Variants in FTO observed in about 807,000 individuals in gnomAD.
FTO encodes the protein FTO alpha-ketoglutarate dependent dioxygenase, also known as alpha-ketoglutarate-dependent dioxygenase FTO.
A neutral mutation model predicts 63.9 loss-of-function variants in FTO; 47 were observed. The observed-to-expected ratio is 0.74, with a 90% CI of 0.58 to 0.94. FTO has a LOEUF of 0.94. FTO is among the 40% of genes least tolerant of loss of function. The pLI, the probability that FTO is intolerant of heterozygous loss-of-function variation, is 0.00. For synonymous variants in FTO, 207 were observed against 224.4 expected (o/e 0.92, Z 0.69); for missense variants, 562 against 618.1 (o/e 0.91, Z 0.96).
intron 1 of FTO, among the ~76,000 whole-genome samples, chr16:53,778,554 G>A (rs891982512): frequency 6.6e-6 from 1 of 152,182 alleles, no homozygotes; most frequent in African/African-American, 2.4e-5. Context: ...TATTGATCTT[G>A]TGGAACCTTT....
intron 8 of FTO, among the ~76,000 whole-genome samples, chr16:54,087,460 A>G (rs2086276678): frequency 6.6e-6 from 1 of 152,196 alleles, no homozygotes; most frequent in African/African-American, 2.4e-5. Flanking sequence ...CAATCCTCAG[A>G]CAGCCCTACC....
intron 1 of FTO, among the ~76,000 whole-genome samples, chr16:53,790,700 A>T (rs186505278): frequency 9.2e-5 from 14 of 152,190 alleles, no homozygotes; most frequent in Admixed American, 6.5e-4. Flanking sequence ...TCATGTTGTA[A>T]TATCCTGAAG....
intron 3 of FTO, among the ~76,000 whole-genome samples, chr16:53,834,071 C>T (rs2079216736): frequency 6.6e-6 from 1 of 151,766 alleles, no homozygotes; most frequent in African/African-American, 2.4e-5. Flanking sequence ...GTCACCCAGG[C>T]TGGAGTGCAG....
chr16:54,090,544 T>C (rs1289725261), intron 8 of FTO, among the ~76,000 whole-genome samples: 1 of 152,206 alleles, frequency 6.6e-6, no homozygotes, highest in Non-Finnish European at 1.5e-5. Flanking sequence ...ATATTTTTGT[T>C]ATATATATTT....
chr16:53,828,975 C>T (rs2079077790), intron 3 of FTO, among the ~76,000 whole-genome samples: 1 of 152,206 alleles, frequency 6.6e-6, no homozygotes, highest in Non-Finnish European at 1.5e-5. Flanking sequence ...ACTGCAACCT[C>T]CGCCTCCTGG....
intron 1 of FTO, among the ~76,000 whole-genome samples, chr16:53,747,435 AT>A (rs1176743873): frequency 6.6e-6 from 1 of 152,068 alleles, no homozygotes; most frequent in Non-Finnish European, 1.5e-5. Context: ...TTCTTTAATG[AT>A]TAGTAATGTT....
chr16:53,849,969 C>A (rs117999243), intron 4 of FTO, among the ~76,000 whole-genome samples: 78 of 152,306 alleles, frequency 5.1e-4, no homozygotes, highest in Non-Finnish European at 4.3e-4. Context: ...CCCTTCCTCA[C>A]CAACCTCTGA....
intron 8 of FTO, among the ~76,000 whole-genome samples, chr16:53,976,950 T>C (rs755255945): frequency 3.3e-5 from 5 of 152,172 alleles, no homozygotes; most frequent in Non-Finnish European, 7.4e-5. Context: ...CAAAATAAAA[T>C]GATGTTGCCT....
intron 8 of FTO, among the ~76,000 whole-genome samples, chr16:53,986,369 A>T (rs1356974484): frequency 6.6e-6 from 1 of 152,152 alleles, no homozygotes; most frequent in Non-Finnish European, 1.5e-5. Flanking sequence ...ACCATCTCGG[A>T]AACAGGGTGT....
intron 8 of FTO, among the ~76,000 whole-genome samples, chr16:54,091,942 A>C (rs545959891): frequency 1.3e-5 from 2 of 152,350 alleles, no homozygotes; most frequent in East Asian, 3.9e-4. Context: ...CACATAGTAG[A>C]TGCTCAGAAA....
At chr16:53,883,640 A>AAAAAAAAAAAC (rs1567396651) in intron 6 of FTO, among the ~76,000 whole-genome samples, 5 of 150,196 alleles carry the variant, frequency 3.3e-5, no homozygotes, top group African/African-American at 1.2e-4. Flanking sequence ...AAAAAACAAA[A>AAAAAAAAAAAC]AAAAAAAAAC....
chr16:53,854,920 G>T (rs1028771439), intron 4 of FTO, among the ~76,000 whole-genome samples: 1 of 152,036 alleles, frequency 6.6e-6, no homozygotes, highest in Non-Finnish European at 1.5e-5. Context: ...GTGAGTATGG[G>T]ATGTATTTCT....
At chr16:53,711,942 T>C (rs2075785323) in intron 1 of FTO, among the ~76,000 whole-genome samples, 1 of 152,192 alleles carries the variant, frequency 6.6e-6, no homozygotes, top group Admixed American at 6.5e-5. Flanking sequence ...AAATAATAAC[T>C]TGGCCAAATG....
intron 7 of FTO, among the ~76,000 whole-genome samples, chr16:53,917,788 C>T (rs1422621785): frequency 6.6e-6 from 1 of 150,656 alleles, no homozygotes; most frequent in Non-Finnish European, 1.5e-5. Context: ...AAATATGTGC[C>T]GAGTAGCAGG....
intron 6 of FTO, among the ~76,000 whole-genome samples, chr16:53,884,530 G>A (rs780133068): frequency 2.0e-4 from 30 of 152,140 alleles, no homozygotes; most frequent in Non-Finnish European, 3.8e-4. Context: ...ATCCCAAGGG[G>A]CGCAGTCACA....
At chr16:53,726,760 GTTGCCCTTCA>G (rs1330387773) in intron 1 of FTO, among the ~76,000 whole-genome samples, 3 of 152,222 alleles carry the variant, frequency 2.0e-5, no homozygotes, top group Non-Finnish European at 4.4e-5. Flanking sequence ...GTGCATGACA[GTTGCCCTTCA>G]TTGCTGGCTT....
intron 8 of FTO, among the ~76,000 whole-genome samples, chr16:54,058,310 A>G (rs182072235): frequency 1.5e-3 from 222 of 152,146 alleles, no homozygotes; most frequent in Admixed American, 3.6e-3. Context: ...TTTAATAGAG[A>G]TGGGGTTTTG....
intron 7 of FTO, among the ~76,000 whole-genome samples, chr16:53,920,888 C>G (rs185272463): frequency 6.6e-6 from 1 of 152,106 alleles, no homozygotes; most frequent in Admixed American, 6.6e-5. Context: ...CTCAGTAGGA[C>G]CTTCTGGCTT....
At chr16:53,857,072 A>AT (rs74899981) in intron 4 of FTO, among the ~76,000 whole-genome samples, 3 of 150,542 alleles carry the variant, frequency 2.0e-5, no homozygotes, top group Admixed American at 6.6e-5. Context: ...GTATGGAAGT[A>AT]TTTTTTTTTT....
Sources: gnomAD v4.1 joint callset for allele counts (sites outside exome capture counted in the v4.1 genomes callset) on GRCh38, gnomAD v4.1.1 for gene constraint, MANE v1.5 for transcripts, NCBI Gene and HGNC (gene_info 2026-07-23, HGNC 2026-07-21) for gene names.